SLC25A21: variants seen among roughly 807,000 people sequenced by gnomAD.
SLC25A21 encodes mitochondrial 2-oxodicarboxylate carrier.
In SLC25A21, 47 loss-of-function variants were observed where a neutral mutation model predicts 43.8. The ratio of observed to expected loss-of-function variants is 1.07; its 90% CI spans 0.85 to 1.37. SLC25A21 has a LOEUF of 1.37. Ranked by LOEUF, SLC25A21 falls within the 40% of genes most tolerant of loss-of-function variation. The pLI is 0.00. For synonymous variants in SLC25A21, 131 were observed against 121.3 expected (o/e 1.08, Z -0.52); for missense variants, 352 against 350.2 (o/e 1.00, Z -0.04).
intron 1 of SLC25A21, among the ~76,000 whole-genome samples, chr14:36,959,481 G>A (rs1330998264): frequency 1.3e-5 from 2 of 152,066 alleles, no homozygotes; most frequent in Admixed American, 1.3e-4. Flanking sequence ...GCAAACCTGA[G>A]CATGCCCAGT....
At chr14:36,797,888 A>G (rs183630298) in intron 3 of SLC25A21, among the ~76,000 whole-genome samples, 1 of 152,326 alleles carries the variant, frequency 6.6e-6, no homozygotes, top group East Asian at 1.9e-4. Flanking sequence ...TATGTTAGCT[A>G]TAAAGCTGTC....
intron 1 of SLC25A21, among the ~76,000 whole-genome samples, chr14:37,144,922 G>GT (rs201009258): frequency 0.39 from 56,691 of 145,144 alleles, 11,005 homozygotes; most frequent in South Asian, 0.58. Flanking sequence ...CCCAGCCTGG[G>GT]TGGTTGTTGT....
intron 1 of SLC25A21, among the ~76,000 whole-genome samples, chr14:36,933,857 A>G (rs1162954493): frequency 6.6e-6 from 1 of 152,092 alleles, no homozygotes; most frequent in Non-Finnish European, 1.5e-5. Context: ...TTCTCTTTTC[A>G]CCTTACTCAC....
chr14:36,864,015 C>A (rs1890144586), intron 2 of SLC25A21, among the ~76,000 whole-genome samples: 2 of 152,160 alleles, frequency 1.3e-5, no homozygotes, highest in Admixed American at 6.5e-5. Context: ...AGAAGTAATA[C>A]CAATGAAATC....
chr14:37,132,989 CAA>C (rs1264796981), intron 1 of SLC25A21, among the ~76,000 whole-genome samples: 1 of 152,100 alleles, frequency 6.6e-6, no homozygotes, highest in East Asian at 1.9e-4. Context: ...ATCAGCCTCC[CAA>C]AGAGTTGGGT....
At chr14:36,960,846 C>T (rs1030569475) in intron 1 of SLC25A21, among the ~76,000 whole-genome samples, 3 of 152,218 alleles carry the variant, frequency 2.0e-5, no homozygotes, top group African/African-American at 7.2e-5. Flanking sequence ...CTCCAAGCCA[C>T]CCCAAACATG....
intron 1 of SLC25A21, among the ~76,000 whole-genome samples, chr14:36,913,282 T>C (rs1277687174): frequency 2.0e-5 from 3 of 152,140 alleles, no homozygotes; most frequent in Non-Finnish European, 2.9e-5. Context: ...GAAGTAGTCA[T>C]GTGTGAACTG....
intron 1 of SLC25A21, among the ~76,000 whole-genome samples, chr14:36,970,247 T>A (rs1050186359): frequency 1.3e-5 from 2 of 152,192 alleles, no homozygotes; most frequent in Non-Finnish European, 2.9e-5. Flanking sequence ...TGGGCACTTT[T>A]CATCCCTTCT....
At chr14:37,136,674 G>A (rs66496057) in intron 1 of SLC25A21, among the ~76,000 whole-genome samples, 19,465 of 151,848 alleles carry the variant, frequency 0.13, 3,164 homozygotes, top group African/African-American at 0.38. Context: ...ATAGTTGAAT[G>A]GATACAAAAA....
At chr14:36,924,329 T>C (rs2138628493) in intron 1 of SLC25A21, among the ~76,000 whole-genome samples, 1 of 152,276 alleles carries the variant, frequency 6.6e-6, no homozygotes, top group African/African-American at 2.4e-5. Context: ...ATATACACCA[T>C]GGAATACTAT....
At chr14:36,753,960 AAAG>A (rs1885822990) in intron 3 of SLC25A21, among the ~76,000 whole-genome samples, 1 of 141,558 alleles carries the variant, frequency 7.1e-6, no homozygotes, top group African/African-American at 2.7e-5. Context: ...AGAGAGAGAG[AAAG>A]AGAGAGAAAA....
rs557281086 is a variant in SLC25A21, at chr14:37,073,705, G to T, written c.70+98576C>A. Among the ~76,000 whole-genome samples, 3 of 152,230 alleles carry T rather than the reference G, an allele frequency of 2.0e-5. No homozygotes were observed. In the East Asian group the frequency reaches 5.8e-4, roughly 29 times the overall value. ...ACTTTCTCCTAGCATCGTTCCTGAAGCCAACAGGCCCTCTTGTCTTGTGTC... is the reference window on the plus strand; with the variant it reads ...ACTTTCTCCTAGCATCGTTCCTGAATCCAACAGGCCCTCTTGTCTTGTGTC... On this transcript the variant is annotated intron_variant, in intron 1 of 9. Transcript: ENST00000331299.
chr14:37,066,220 TA>T (rs1962057577), intron 1 of SLC25A21, among the ~76,000 whole-genome samples: 1 of 152,102 alleles, frequency 6.6e-6, no homozygotes, highest in Non-Finnish European at 1.5e-5. Flanking sequence ...AATCTAATCA[TA>T]AGGGAACATC....
intron 2 of SLC25A21, among the ~76,000 whole-genome samples, chr14:36,820,638 T>C (rs768502273): frequency 4.6e-5 from 7 of 152,172 alleles, no homozygotes; most frequent in Non-Finnish European, 7.3e-5. Context: ...ACAATTTGAT[T>C]TGAGGGAAAG....
intron 1 of SLC25A21, among the ~76,000 whole-genome samples, chr14:36,940,787 T>C (rs190439303): frequency 3.0e-4 from 45 of 152,232 alleles, no homozygotes; most frequent in Non-Finnish European, 5.3e-4. Context: ...CATATTACGA[T>C]TGTCTGATAC....
intron 1 of SLC25A21, among the ~76,000 whole-genome samples, chr14:37,082,439 G>C (rs1272471990): frequency 1.3e-5 from 2 of 152,060 alleles, no homozygotes; most frequent in Non-Finnish European, 2.9e-5. Flanking sequence ...TTAAGCATTA[G>C]GCACTATACA....
At chr14:36,815,174 T>TGTGG (rs1221435584) in intron 2 of SLC25A21, among the ~76,000 whole-genome samples, 1 of 152,026 alleles carries the variant, frequency 6.6e-6, no homozygotes, top group Non-Finnish European at 1.5e-5. Context: ...AGTTGGCGGC[T>TGTGG]GTGGGGAAAG....
At chr14:37,069,207 C>G (rs1962124221) in intron 1 of SLC25A21, among the ~76,000 whole-genome samples, 1 of 152,044 alleles carries the variant, frequency 6.6e-6, no homozygotes, top group Non-Finnish European at 1.5e-5. Context: ...AGGTACTTCT[C>G]TTATTACTGT....
intron 2 of SLC25A21, among the ~76,000 whole-genome samples, chr14:36,874,471 T>C (rs1191761401): frequency 6.6e-6 from 1 of 152,208 alleles, no homozygotes; most frequent in African/African-American, 2.4e-5. Flanking sequence ...GACCATATTA[T>C]GCCCCTGCAG....
Sources: allele counts gnomAD v4.1 joint callset (sites outside exome capture counted in the v4.1 genomes callset), GRCh38; gene constraint gnomAD v4.1.1; transcripts MANE v1.5; gene names NCBI Gene and HGNC (gene_info 2026-07-23, HGNC 2026-07-21).